The following ST6GALNAC5 variants were observed in gnomAD, a reference collection of about 807,000 sequenced individuals.
The protein encoded by ST6GALNAC5 is ST6 N-acetylgalactosaminide alpha-2,6-sialyltransferase 5.
In ST6GALNAC5, 27 loss-of-function variants were observed where a neutral mutation model predicts 33.6. That is an observed-to-expected ratio of 0.80 (90% confidence interval 0.59 to 1.11). ST6GALNAC5 has a LOEUF of 1.11. Ranked by LOEUF, ST6GALNAC5 falls within the 50% of genes least tolerant of loss-of-function variation. The pLI is 0.00. For missense variants in ST6GALNAC5, 428 were observed against 454.0 expected (o/e 0.94, Z 0.52); for synonymous variants, 194 against 171.2 (o/e 1.13, Z -1.04).
At chr1:77,046,524 C>G (rs1290172581) in intron 3 of ST6GALNAC5, among the ~76,000 whole-genome samples, 1 of 152,070 alleles carries the variant, frequency 6.6e-6, no homozygotes, top group Non-Finnish European at 1.5e-5. Flanking sequence ...ACTGGAAGGC[C>G]CAGCAGACCC....
At position 76,872,729 on chromosome 1, in the gene ST6GALNAC5, T is replaced by C. The variant is rs536752575; in HGVS notation, c.261+3987T>C. Among the ~76,000 whole-genome samples the C allele has an allele frequency of 1.1e-4, 17 of 152,274 alleles. No homozygotes were observed. The South Asian group carries it at 3.3e-3, about 30-fold the overall frequency. ...TTTATTTGACCACATTTTATGACAT[T>C]TGAGTTGTGAATGAATGACTGAAAT... On this transcript the variant is annotated intron_variant, in intron 2 of 4. Coordinates refer to ENST00000477717, the MANE Select transcript of ST6GALNAC5 (RefSeq NM_030965.3).
chr1:76,908,062 T>A (rs1386111466), intron 2 of ST6GALNAC5, among the ~76,000 whole-genome samples: 1 of 152,132 alleles, frequency 6.6e-6, no homozygotes, highest in Non-Finnish European at 1.5e-5. Flanking sequence ...ATGATACTAT[T>A]TGTTACTTAC....
At chr1:76,903,194 A>T (rs1235468402) in intron 2 of ST6GALNAC5, among the ~76,000 whole-genome samples, 1 of 152,206 alleles carries the variant, frequency 6.6e-6, no homozygotes, top group African/African-American at 2.4e-5. Flanking sequence ...CTCAATAATA[A>T]AACAAATTAA....
At chr1:76,890,828 TC>T (rs569483952) in intron 2 of ST6GALNAC5, among the ~76,000 whole-genome samples, 116 of 152,270 alleles carry the variant, frequency 7.6e-4, no homozygotes, top group Admixed American at 6.7e-3. Flanking sequence ...AAGATTTTTT[TC>T]ATATACATTT....
At chr1:76,992,630 G>T (rs1039468906) in intron 2 of ST6GALNAC5, among the ~76,000 whole-genome samples, 1 of 152,162 alleles carries the variant, frequency 6.6e-6, no homozygotes, top group Non-Finnish European at 1.5e-5. Flanking sequence ...AGGTAACTGG[G>T]ACTATAGGTG....
intron 2 of ST6GALNAC5, among the ~76,000 whole-genome samples, chr1:76,953,216 G>T (rs565343919): frequency 1.1e-4 from 17 of 152,216 alleles, no homozygotes; most frequent in African/African-American, 4.1e-4. Flanking sequence ...GCCTAAAACT[G>T]ATTGCTGGGA....
At chr1:76,902,127 T>C (rs1646823635) in intron 2 of ST6GALNAC5, among the ~76,000 whole-genome samples, 1 of 152,094 alleles carries the variant, frequency 6.6e-6, no homozygotes. Flanking sequence ...AAGAAAGTTT[T>C]AAAGAATACA....
At chr1:77,048,209 A>G (rs530003061) in intron 3 of ST6GALNAC5, among the ~76,000 whole-genome samples, 44 of 152,302 alleles carry the variant, frequency 2.9e-4, no homozygotes, top group African/African-American at 9.9e-4. Context: ...ATCACATAAA[A>G]CAGAACCAGA....
Position 77,065,208 on chromosome 1 carries a change from A to G in ST6GALNAC5, c.*2002A>G, listed in dbSNP as rs1334976757. 1 of 152,194 alleles carries G rather than the reference A, an allele frequency of 6.6e-6. No individual in the cohort carries two copies. Among genetic ancestry groups the G allele is most frequent in the East Asian group, 1.9e-4 (1 of 5,194 alleles). 9.4% of individuals were successfully genotyped at this position (152,194 alleles called of 1,614,324 possible). ...ACCTTTATAATCACTTGAAGACGTT[A>G]TGTTGCTCAAACATAAGTGGCTCCT... On this transcript the variant is annotated 3_prime_UTR_variant, in exon 5 of 5. Coordinates refer to ENST00000477717, the MANE Select transcript of ST6GALNAC5 (RefSeq NM_030965.3).
intron 2 of ST6GALNAC5, among the ~76,000 whole-genome samples, chr1:76,908,793 T>A (rs1046822683): frequency 2.6e-5 from 4 of 152,172 alleles, no homozygotes; most frequent in African/African-American, 9.7e-5. Flanking sequence ...CCTGCCGCAT[T>A]ACCTGGCCCA....
chr1:77,055,576 G>C (rs1436427953), intron 4 of ST6GALNAC5, among the ~76,000 whole-genome samples: 1 of 152,212 alleles, frequency 6.6e-6, no homozygotes, highest in Non-Finnish European at 1.5e-5. Context: ...ATAAATAGCA[G>C]AGCTGGAATT....
chr1:76,988,301 A>C (rs941158530), intron 2 of ST6GALNAC5, among the ~76,000 whole-genome samples: 1 of 151,922 alleles, frequency 6.6e-6, no homozygotes, highest in Non-Finnish European at 1.5e-5. Context: ...TGATTCTGTC[A>C]CTATCTTCTG....
intron 2 of ST6GALNAC5, among the ~76,000 whole-genome samples, chr1:76,918,671 A>G (rs538924879): frequency 6.6e-6 from 1 of 151,838 alleles, no homozygotes; most frequent in African/African-American, 2.4e-5. Flanking sequence ...CTGAGCACCA[A>G]GCAGTCCTCA....
At chr1:76,963,600 A>C (rs1275205723) in intron 2 of ST6GALNAC5, among the ~76,000 whole-genome samples, 1 of 152,200 alleles carries the variant, frequency 6.6e-6, no homozygotes, top group African/African-American at 2.4e-5. Context: ...TTAATTTAGT[A>C]GGCAGGTGGA....
intron 4 of ST6GALNAC5, among the ~76,000 whole-genome samples, chr1:77,056,007 C>G (rs1254194262): frequency 6.6e-6 from 1 of 152,154 alleles, no homozygotes; most frequent in Non-Finnish European, 1.5e-5. Context: ...TTTGAGAAGT[C>G]AATGAGGGCC....
chr1:76,985,995 C>A (rs1052815098), intron 2 of ST6GALNAC5, among the ~76,000 whole-genome samples: 4 of 152,110 alleles, frequency 2.6e-5, no homozygotes, highest in Non-Finnish European at 5.9e-5. Context: ...ATACCTTATA[C>A]AAAAATTAAT....
At chr1:76,935,970 C>A (rs181566795) in intron 2 of ST6GALNAC5, among the ~76,000 whole-genome samples, 1 of 152,004 alleles carries the variant, frequency 6.6e-6, no homozygotes, top group Admixed American at 6.6e-5. Flanking sequence ...TAATGACACA[C>A]CAGATGAAGC....
intron 2 of ST6GALNAC5, among the ~76,000 whole-genome samples, chr1:76,949,958 G>T (rs113235348): frequency 6.6e-6 from 1 of 152,124 alleles, no homozygotes; most frequent in Non-Finnish European, 1.5e-5. Context: ...TGGGTTTAGA[G>T]AGAGGACTTT....
intron 2 of ST6GALNAC5, among the ~76,000 whole-genome samples, chr1:76,889,338 G>A (rs1377675507): frequency 6.6e-6 from 1 of 151,944 alleles, no homozygotes; most frequent in Non-Finnish European, 1.5e-5. Flanking sequence ...AGTCAATATT[G>A]ATGCAGATTT....
Sources: gnomAD v4.1 joint callset for allele counts (sites outside exome capture counted in the v4.1 genomes callset) on GRCh38, gnomAD v4.1.1 for gene constraint, MANE v1.5 for transcripts, NCBI Gene and HGNC (gene_info 2026-07-23, HGNC 2026-07-21) for gene names.